AXDND1: variants seen among roughly 807,000 people sequenced by gnomAD.
AXDND1 encodes the protein axonemal dynein light chain domain containing 1.
A neutral mutation model predicts 137.5 loss-of-function variants in AXDND1; 110 were observed. That is an observed-to-expected ratio of 0.80 (90% CI 0.69 to 0.94). The LOEUF (loss-of-function observed/expected upper bound fraction) is 0.94. AXDND1 is among the 40% of genes least tolerant of loss of function. The pLI is 0.00. For missense variants in AXDND1, 1,191 were observed against 1,169.8 expected (o/e 1.02, Z -0.26); for synonymous variants, 414 against 399.7 (o/e 1.04, Z -0.43).
At chr1:179,446,017 T>A (rs1659682620) in intron 16 of AXDND1, among the ~76,000 whole-genome samples, 1 of 152,204 alleles carries the variant, frequency 6.6e-6, no homozygotes, top group Admixed American at 6.5e-5. Flanking sequence ...GTCTCACTTT[T>A]AAATTCTGGC....
intron 25 of AXDND1, chr1:179,552,377 A>G (rs72704483): frequency 0.034 from 20,490 of 595,480 alleles, 494 homozygotes; most frequent in Non-Finnish European, 0.042. Flanking sequence ...GTGAGACTCA[A>G]GCAGTGAGTG....
intron 9 of AXDND1, among the ~76,000 whole-genome samples, chr1:179,390,841 T>C (rs1022596957): frequency 6.6e-6 from 1 of 152,098 alleles, no homozygotes; most frequent in African/African-American, 2.4e-5. Context: ...AGTTTCGATC[T>C]TGTTGCCCAG....
chr1:179,479,247 C>T (rs1191559401), intron 17 of AXDND1, among the ~76,000 whole-genome samples: 4 of 151,632 alleles, frequency 2.6e-5, no homozygotes, highest in African/African-American at 7.3e-5. Context: ...GAGGCCAAGG[C>T]GGGTGGATCA....
chr1:179,499,231 A>G (rs964352623), intron 20 of AXDND1, among the ~76,000 whole-genome samples: 6 of 152,202 alleles, frequency 3.9e-5, no homozygotes, highest in African/African-American at 1.2e-4. Context: ...AAAATGCAGT[A>G]TATTTATATA....
chr1:179,390,687 C>CTGG (rs5779023), intron 9 of AXDND1, among the ~76,000 whole-genome samples: 1 of 151,788 alleles, frequency 6.6e-6, no homozygotes, highest in Non-Finnish European at 1.5e-5. Context: ...AATTAGGGCT[C>CTGG]TACAATTTTC....
At chr1:179,415,974 A>G (rs189306113) in intron 12 of AXDND1, among the ~76,000 whole-genome samples, 1 of 152,332 alleles carries the variant, frequency 6.6e-6, no homozygotes, top group East Asian at 1.9e-4. Context: ...GCTATTTTAG[A>G]ATGTGCAATA....
chr1:179,418,860 C>T lies in AXDND1; in HGVS notation c.1230+7594C>T, dbSNP rs528089999. On this transcript the variant is annotated intron_variant, in intron 12 of 25. Coordinates refer to ENST00000367618, the MANE Select transcript of AXDND1 (RefSeq NM_144696.6). ...GCGGAGGGACTCCTCACTTCTCAGA[C>T]GGGGCTGTTGCCAGGCAGAGGGTCT... Among the ~76,000 whole-genome samples the T allele has an allele frequency of 1.3e-4, 19 of 151,182 alleles. No homozygotes were observed. The East Asian group carries it at 2.2e-3, about 17-fold the overall frequency.
intron 16 of AXDND1, among the ~76,000 whole-genome samples, chr1:179,464,286 A>T (rs1284212495): frequency 6.6e-6 from 1 of 152,132 alleles, no homozygotes; most frequent in Non-Finnish European, 1.5e-5. Flanking sequence ...TGCTTCCTTC[A>T]GGAGCTCTTG....
intron 16 of AXDND1, among the ~76,000 whole-genome samples, chr1:179,459,082 T>C (rs1661832460): frequency 6.6e-6 from 1 of 152,148 alleles, no homozygotes; most frequent in Non-Finnish European, 1.5e-5. Context: ...TGTTTTTCTC[T>C]ACTTAAGCAA....
intron 17 of AXDND1, among the ~76,000 whole-genome samples, chr1:179,481,810 A>C (rs1221151429): frequency 6.6e-6 from 1 of 152,182 alleles, no homozygotes; most frequent in African/African-American, 2.4e-5. Context: ...TCTGGGGCAT[A>C]TATTGTGCTA....
intron 17 of AXDND1, among the ~76,000 whole-genome samples, chr1:179,474,216 CAA>C (rs66935956): frequency 3.5e-4 from 32 of 92,170 alleles, no homozygotes; most frequent in East Asian, 1.0e-3. Flanking sequence ...GACTCCACCT[CAA>C]AAAAAAAAAA....
chr1:179,410,044 A>T (rs576387510), intron 11 of AXDND1, among the ~76,000 whole-genome samples: 10 of 152,290 alleles, frequency 6.6e-5, no homozygotes, highest in African/African-American at 1.4e-4. Flanking sequence ...AAATCTTAAG[A>T]GTATAGCTCA....
chr1:179,521,960 T>C (rs879156045), intron 21 of AXDND1, among the ~76,000 whole-genome samples: 17 of 152,128 alleles, frequency 1.1e-4, no homozygotes, highest in Non-Finnish European at 2.5e-4. Flanking sequence ...TTGCTCTGAT[T>C]AATGTGGAGA....
intron 5 of AXDND1, 95 bp downstream of exon 5, chr1:179,378,852 C>T: frequency 9.7e-7 from 1 of 1,034,142 alleles, no homozygotes; most frequent in East Asian, 3.8e-5. Context: ...AAATATAAAA[C>T]AACGTCATAC....
chr1:179,422,027 C>T lies in AXDND1; in HGVS notation c.1231-7491C>T, dbSNP rs780143663. 2.6e-3 allele frequency among the ~76,000 whole-genome samples: 358 copies of T among 137,598 alleles called. 1 individual carries two copies. The highest frequency in any genetic ancestry group is 4.0e-3 in the Non-Finnish European group (261 of 64,900). The allele number at this position is 137,598 out of a possible 152,430, so 90.3% of individuals were successfully genotyped here. On this transcript the variant is annotated intron_variant, in intron 12 of 25. Coordinates refer to ENST00000367618, the MANE Select transcript of AXDND1 (RefSeq NM_144696.6). ...TGCACTCCAGCCTGGGCAACAAGAA[C>T]GAAACTCCATCTCAAAAGAAAAAAA...
chr1:179,497,153 G>T (rs1667523998), intron 20 of AXDND1, among the ~76,000 whole-genome samples: 1 of 152,054 alleles, frequency 6.6e-6, no homozygotes, highest in Non-Finnish European at 1.5e-5. Context: ...CAATTGAGAA[G>T]AATATTCTGT....
At position 179,532,483 on chromosome 1, in the gene AXDND1, G is replaced by A. The variant is rs117545209; in HGVS notation, c.2716-1312G>A. On this transcript the variant is annotated intron_variant, in intron 23 of 25. Coordinates refer to ENST00000367618, the MANE Select transcript of AXDND1 (RefSeq NM_144696.6). ...ACACCACATACCTTAGGTTCAGGGT[G>A]AAAAATGATAGTGTGTACTTTCCAA... Among the ~76,000 whole-genome samples the A allele has an allele frequency of 5.3e-4, 80 of 152,312 alleles. 1 individual carries two copies. In the East Asian group the frequency reaches 0.015, roughly 29 times the overall value.
At chr1:179,482,009 T>C (rs1381945923) in intron 17 of AXDND1, among the ~76,000 whole-genome samples, 1 of 152,062 alleles carries the variant, frequency 6.6e-6, no homozygotes, top group East Asian at 1.9e-4. Context: ...AAACCTCCAC[T>C]GTTCTTTAAA....
intron 25 of AXDND1, among the ~76,000 whole-genome samples, chr1:179,541,862 C>T (rs1172852322): frequency 6.6e-6 from 1 of 152,038 alleles, no homozygotes; most frequent in East Asian, 1.9e-4. Flanking sequence ...TTAAATAAAT[C>T]ATGCTGTATT....
Sources: allele counts gnomAD v4.1 joint callset (sites outside exome capture counted in the v4.1 genomes callset), GRCh38; gene constraint gnomAD v4.1.1; transcripts MANE v1.5; gene names NCBI Gene and HGNC (gene_info 2026-07-23, HGNC 2026-07-21).